FYCO1: variants seen among roughly 807,000 people sequenced by gnomAD.
The protein encoded by FYCO1 is FYVE and coiled-coil domain autophagy adaptor 1.
A neutral mutation model predicts 165.1 loss-of-function variants in FYCO1; 122 were observed. The observed-to-expected ratio is 0.74, with a 90% CI of 0.64 to 0.86. The LOEUF (loss-of-function observed/expected upper bound fraction) is 0.86. FYCO1 is among the 40% of genes least tolerant of loss of function. The pLI, the probability that FYCO1 is intolerant of heterozygous loss-of-function variation, is 0.00. For synonymous variants in FYCO1, 648 were observed against 742.5 expected (o/e 0.87, Z 2.07); for missense variants, 1,702 against 1,810.3 (o/e 0.94, Z 1.09).
Position 45,959,503 on chromosome 3 carries a change from T to A in FYCO1, c.3477A>T (p.Glu1159Asp). ...DALWQKSDAL[E>D]FQQKLSAEER... The stretch of plus-strand genomic sequence containing the variant: ...CCTCAGCACTGAGCTTCTGCTGGAA[T>A]TCCAGGGCATCTGACTTCTGCCAGA... Residue 1159 changes from glutamate to aspartate, a missense_variant, in exon 12 of 18, where the codon GAA (glutamate) becomes GAT (aspartate). Glu to Asp is a conservative substitution (Grantham distance 45). Coordinates refer to ENST00000296137, the MANE Select transcript of FYCO1 (RefSeq NM_024513.4). 1 of 1,614,182 alleles carries A rather than the reference T, an allele frequency of 6.2e-7. No homozygotes were observed. Among genetic ancestry groups the A allele is most frequent in the Non-Finnish European group, 8.5e-7 (1 of 1,180,036 alleles).
intron 15 of FYCO1, among the ~76,000 whole-genome samples, chr3:45,933,920 A>T (rs1703758147): frequency 1.3e-5 from 2 of 152,248 alleles, no homozygotes; most frequent in Admixed American, 1.3e-4. Context: ...TGGAAAACTC[A>T]TACCAAAGAA....
chr3:45,960,702 A>T (rs1212643739), intron 11 of FYCO1, among the ~76,000 whole-genome samples: 1 of 152,232 alleles, frequency 6.6e-6, no homozygotes, highest in Admixed American at 6.5e-5. Flanking sequence ...GGCTTTGCTG[A>T]TCCATGGTGC....
Position 45,966,432 on chromosome 3 carries a change from C to T in FYCO1, c.2902G>A (p.Ala968Thr). The T allele has an allele frequency of 6.2e-7, 1 of 1,612,742 alleles. No individual in the cohort carries two copies. Among genetic ancestry groups the T allele is most frequent in the Non-Finnish European group, 8.5e-7 (1 of 1,178,970 alleles). The change falls in exon 8 of 18, where the codon GCC (alanine) becomes ACC (threonine). Residue 968 changes from alanine to threonine, a missense_variant. By Grantham distance (58) the Ala-to-Thr change is moderately conservative (BLOSUM62 0). Coordinates refer to ENST00000296137, the MANE Select transcript of FYCO1 (RefSeq NM_024513.4). ...KESLQEKLKA[A>T]KAAAGSLPGL... The stretch of plus-strand genomic sequence containing the variant: ...GGCAGTGAGCCGGCTGCTGCCTTGG[C>T]CGCCTTCAGCTTCTCCTGCAAGCTC...
In FYCO1 at chr3:45,967,305, T is replaced by C. The variant is rs1348312008; in HGVS notation, c.2029A>G (p.Met677Val). 6.2e-7 allele frequency: 1 copy of C among 1,613,824 alleles called. No individual in the cohort carries two copies. The highest frequency in any genetic ancestry group is 8.5e-7 in the Non-Finnish European group (1 of 1,179,898). ...QASIRHLGDQ[M>V]EASLLAVRKA... ...CTTACAGCCAGCAAGCTCGCCTCCA[T>C]CTGGTCACCCAAGTGCCGGATGCTG... Residue 677 changes from methionine to valine, a missense_variant, in exon 8 of 18, where the codon ATG (methionine) becomes GTG (valine). Physicochemically the swap from Met to Val is conservative, Grantham distance 21. Transcript: ENST00000296137.
intron 13 of FYCO1, among the ~76,000 whole-genome samples, chr3:45,956,194 G>A (rs1239133917): frequency 1.3e-5 from 2 of 152,064 alleles, no homozygotes; most frequent in African/African-American, 4.8e-5. Flanking sequence ...AAATTAGCCA[G>A]GTGTGGTGGC....
At chr3:45,984,766 TG>T (rs1707233362) in intron 2 of FYCO1, 89 bp downstream of exon 2, 1 of 1,355,074 alleles carries the variant, frequency 7.4e-7, no homozygotes, top group Non-Finnish European at 1.1e-6. Context: ...TGAACAAAAA[TG>T]AAAGGGTTGA....
At chr3:45,938,304 G>A in intron 14 of FYCO1, 1 of 1,144,670 alleles carries the variant, frequency 8.7e-7, no homozygotes, top group Non-Finnish European at 1.2e-6. Flanking sequence ...CAGTCTCAAA[G>A]GTGACAATTA....
chr3:45,938,197 T>C lies in FYCO1; in HGVS notation c.3945-1654A>G, dbSNP rs995266957. On this transcript the variant is annotated intron_variant, in intron 14 of 17. Transcript: ENST00000296137. Reference sequence around the variant, plus strand: ...TGATGACAGACAACGCCTGATTACCTGCAAGCAGATGATTCACAGAGCAGG... The same window carrying C: ...TGATGACAGACAACGCCTGATTACCCGCAAGCAGATGATTCACAGAGCAGG... The C allele has an allele frequency of 5.4e-6, 7 of 1,288,624 alleles. No homozygotes were observed. The Admixed American group carries it at 1.1e-4, about 21-fold the overall frequency. 79.8% of individuals were successfully genotyped at this position (1,288,624 alleles called of 1,614,324 possible). A position where few individuals can be genotyped will look rare whatever the true frequency, so the allele number is the denominator to read the frequency against.
At chr3:45,965,629 G>A (rs962132996) in intron 8 of FYCO1, among the ~76,000 whole-genome samples, 2 of 152,246 alleles carry the variant, frequency 1.3e-5, no homozygotes. Flanking sequence ...TCTGTCCCAA[G>A]GGCCTTGTAA....
At chr3:45,935,070 G>T (rs762654142) in intron 15 of FYCO1, among the ~76,000 whole-genome samples, 81 of 152,202 alleles carry the variant, frequency 5.3e-4, no homozygotes, top group Admixed American at 1.4e-3. Context: ...GTGGTCCAAG[G>T]TCACCTGAGG....
At chr3:45,941,624 G>C (rs930217321) in intron 14 of FYCO1, among the ~76,000 whole-genome samples, 9 of 152,200 alleles carry the variant, frequency 5.9e-5, no homozygotes, top group African/African-American at 2.2e-4. Context: ...CTATAGAGAA[G>C]TTTCTATTAA....
chr3:45,988,303 T>C (rs1423891177), intron 1 of FYCO1, among the ~76,000 whole-genome samples: 1 of 152,172 alleles, frequency 6.6e-6, no homozygotes, highest in Non-Finnish European at 1.5e-5. Context: ...CTGAGGTCAT[T>C]ACTAACCAAC....
chr3:45,936,443 CT>C lies in FYCO1; in HGVS notation c.4040+4del. ...GGGAGGGCCCAGGCAGCAGTTGCCA[CT>C]TACATCAGTTCTCCAGACTTCAGCA... On this transcript the variant is annotated splice_donor_region_variant and intron_variant, in intron 15 of 17. Coordinates refer to ENST00000296137, the MANE Select transcript of FYCO1 (RefSeq NM_024513.4). 2.5e-6 allele frequency: 4 copies of C among 1,609,900 alleles called. No individual in the cohort carries two copies. The highest frequency in any genetic ancestry group is 3.4e-6 in the Non-Finnish European group (4 of 1,176,186).
intron 8 of FYCO1, 110 bp from the exon 9 acceptor site, chr3:45,965,235 T>C (rs554443768): frequency 1.4e-4 from 112 of 789,202 alleles, no homozygotes; most frequent in Non-Finnish European, 2.2e-4. Context: ...TCTTTTTCCC[T>C]GCAAACTGGC....
chr3:45,966,034 T>C (rs1390485830), intron 8 of FYCO1, among the ~76,000 whole-genome samples: 1 of 152,244 alleles, frequency 6.6e-6, no homozygotes, highest in African/African-American at 2.4e-5. Context: ...TTGTTTGCAA[T>C]GGTCTTGAGT....
intron 6 of FYCO1, among the ~76,000 whole-genome samples, chr3:45,972,435 A>G (rs1259460373): frequency 1.3e-5 from 2 of 152,380 alleles, no homozygotes; most frequent in East Asian, 3.9e-4. Flanking sequence ...TAAAAGCCTT[A>G]TAAACAGAAA....
At chr3:45,922,374 A>C (rs1280344528) in intron 17 of FYCO1, among the ~76,000 whole-genome samples, 2 of 152,196 alleles carry the variant, frequency 1.3e-5, no homozygotes, top group Non-Finnish European at 2.9e-5. Flanking sequence ...CTCTGCCCTC[A>C]TCACATCTCT....
chr3:45,923,837 C>T lies in FYCO1; in HGVS notation c.4252-72G>A, dbSNP rs559216594. 2.7e-5 allele frequency: 28 copies of T among 1,029,956 alleles called. No individual in the cohort carries two copies. In the African/African-American group the frequency reaches 4.4e-4, roughly 16 times the overall value. 63.8% of individuals were successfully genotyped at this position (1,029,956 alleles called of 1,614,324 possible). On this transcript the variant is annotated intron_variant, in intron 16 of 17. Transcript: ENST00000296137. ...GCCCTCGGCATCCTCAGGGAAGACCCTTTATTTTGGGGTAGGAGGCTGAGT... is the reference window on the plus strand; with the variant it reads ...GCCCTCGGCATCCTCAGGGAAGACCTTTTATTTTGGGGTAGGAGGCTGAGT...
chr3:45,995,823 G>A lies in FYCO1; in HGVS notation c.-214C>T, dbSNP rs576623682. 5.9e-4 allele frequency: 90 copies of A among 152,716 alleles called. No individual in the cohort carries two copies. The highest frequency in any genetic ancestry group is 2.1e-3 in the African/African-American group (89 of 41,588). 9.5% of individuals were successfully genotyped at this position (152,716 alleles called of 1,614,324 possible). A position where few individuals can be genotyped will look rare whatever the true frequency, so the allele number is the denominator to read the frequency against. On this transcript the variant is annotated 5_prime_UTR_variant, in exon 1 of 18. Transcript: ENST00000296137. ...CGGCCATGACGCGCACACCAAGAGG[G>A]TGGCGGGGGCGGACTACAACTCCCG...
Sources: allele counts gnomAD v4.1 joint callset (sites outside exome capture counted in the v4.1 genomes callset), GRCh38; gene constraint gnomAD v4.1.1; transcripts MANE v1.5; gene names NCBI Gene and HGNC (gene_info 2026-07-23, HGNC 2026-07-21).